The following CLOCK variants were observed in gnomAD, a reference collection of about 807,000 sequenced individuals.
CLOCK encodes clock circadian regulator.
In CLOCK, 43 loss-of-function variants were observed where a neutral mutation model predicts 118.4. The ratio of observed to expected loss-of-function variants is 0.36; its 90% confidence interval spans 0.28 to 0.47. The LOEUF is 0.47. Among genes scored for constraint, CLOCK ranks in the 20% least tolerant of loss-of-function variants. The probability of loss-of-function intolerance (pLI) is 1.00; values close to 1 mark genes in which losing one functional copy is unlikely to be tolerated. For missense variants in CLOCK, 846 were observed against 999.9 expected, an observed-to-expected ratio of 0.85 and a Z score of 2.08; for synonymous variants, 326 against 339.2, an observed-to-expected ratio of 0.96 and a Z score of 0.43.
At position 55,457,799 on chromosome 4, in the gene CLOCK, G is replaced by T. The variant is rs78808392; in HGVS notation, c.792+1093C>A. On this transcript the variant is annotated intron_variant, in intron 11 of 22. Coordinates refer to ENST00000513440, the MANE Select transcript of CLOCK (RefSeq NM_004898.4). ...AGAAAAAAACAATTATTAATTAATA[G>T]AATCAAGTCCCAGTTTCATCACTAA... Among the ~76,000 whole-genome samples, 1,105 of 152,200 alleles carry T rather than the reference G, an allele frequency of 7.3e-3. 10 individuals are homozygous for T. Among genetic ancestry groups the T allele is most frequent in the African/African-American group, 0.023 (953 of 41,526 alleles).
chr4:55,453,292 T>G (rs1264653150), intron 14 of CLOCK, 163 bp from the exon 15 acceptor site: 1 of 617,702 alleles, frequency 1.6e-6, no homozygotes, highest in African/African-American at 1.8e-5. Context: ...TAATTTAACT[T>G]GCATTTTTCT....
intron 2 of CLOCK, among the ~76,000 whole-genome samples, chr4:55,498,627 T>C (rs1577802091): frequency 1.2e-5 from 1 of 82,544 alleles, no homozygotes. Flanking sequence ...TATTATTATT[T>C]TAACCCACTG....
chr4:55,484,964 C>CT (rs1220033513), intron 3 of CLOCK, among the ~76,000 whole-genome samples: 1 of 151,974 alleles, frequency 6.6e-6, no homozygotes, highest in African/African-American at 2.4e-5. Context: ...TAAGATCTCT[C>CT]TCTCTCTCTC....
chr4:55,504,178 C>T (rs535648499), intron 2 of CLOCK, among the ~76,000 whole-genome samples: 3 of 147,724 alleles, frequency 2.0e-5, no homozygotes, highest in South Asian at 2.2e-4. Flanking sequence ...CCCAACTATT[C>T]GGGACCCTGA....
chr4:55,436,173 GTTC>G (rs1722861468), intron 22 of CLOCK, among the ~76,000 whole-genome samples: 1 of 152,040 alleles, frequency 6.6e-6, no homozygotes, highest in Non-Finnish European at 1.5e-5. Flanking sequence ...ACCACATTGG[GTTC>G]TTAATAAAGA....
At chr4:55,533,628 C>G (rs1174717796) in intron 1 of CLOCK, among the ~76,000 whole-genome samples, 1 of 152,152 alleles carries the variant, frequency 6.6e-6, no homozygotes, top group Non-Finnish European at 1.5e-5. Flanking sequence ...TAAGGCCAGG[C>G]ATGGTGGCTC....
rs561450758 is a variant in CLOCK at position 55,537,974 on chromosome 4, C to G, written c.-290+8808G>C. ...AAGACCAGGGCGGAAATAAGAAAAC[C>G]ACAGGCAGTCAATTAAACTAAAAGT... On this transcript the variant is annotated intron_variant, in intron 1 of 22. Coordinates refer to ENST00000513440, the MANE Select transcript of CLOCK (RefSeq NM_004898.4). Among the ~76,000 whole-genome samples, 85 of 152,144 alleles carry G rather than the reference C, an allele frequency of 5.6e-4. No homozygotes were observed. In the Middle Eastern group the frequency reaches 0.017, roughly 30 times the overall value.
intron 8 of CLOCK, among the ~76,000 whole-genome samples, chr4:55,465,480 A>G (rs550845297): frequency 6.6e-6 from 1 of 152,324 alleles, no homozygotes; most frequent in African/African-American, 2.4e-5. Flanking sequence ...CTCACTTCCA[A>G]TCAGGGCACA....
At chr4:55,510,290 A>G (rs1003686642) in intron 1 of CLOCK, among the ~76,000 whole-genome samples, 2 of 152,204 alleles carry the variant, frequency 1.3e-5, no homozygotes, top group African/African-American at 4.8e-5. Context: ...GTGAAGGGAA[A>G]GCATAACAGA....
At chr4:55,474,639 CT>C (rs2109872469) in intron 7 of CLOCK, among the ~76,000 whole-genome samples, 1 of 152,308 alleles carries the variant, frequency 6.6e-6, no homozygotes, top group South Asian at 2.1e-4. Flanking sequence ...GCAAATGCAG[CT>C]GGTGACTTTT....
chr4:55,443,638 C>T, intron 20 of CLOCK, 49 bp downstream of exon 20: 2 of 1,396,660 alleles, frequency 1.4e-6, no homozygotes, highest in Admixed American at 1.7e-5. Flanking sequence ...CAATAGTGTG[C>T]CTTCCAACCA....
intron 3 of CLOCK, among the ~76,000 whole-genome samples, chr4:55,488,621 G>A (rs538117230): frequency 6.6e-6 from 1 of 152,058 alleles, no homozygotes; most frequent in Non-Finnish European, 1.5e-5. Context: ...TCTTCTCTCA[G>A]ATCTTCACAC....
At chr4:55,449,008 T>G (rs1161700739) in intron 17 of CLOCK, 140 bp from the exon 18 acceptor site, 3 of 711,290 alleles carry the variant, frequency 4.2e-6, no homozygotes, top group Admixed American at 4.7e-5. Flanking sequence ...CAGCTATGTC[T>G]TCTCATCTAT....
At chr4:55,514,739 T>C (rs1729381693) in intron 1 of CLOCK, among the ~76,000 whole-genome samples, 1 of 152,186 alleles carries the variant, frequency 6.6e-6, no homozygotes, top group South Asian at 2.1e-4. Context: ...TCCCACTTGA[T>C]CACAGCATAT....
intron 9 of CLOCK, 52 bp downstream of exon 9, chr4:55,463,633 T>C (rs559453014): frequency 3.2e-5 from 51 of 1,596,200 alleles, no homozygotes; most frequent in Non-Finnish European, 4.1e-5. Context: ...TGCAAAAGGA[T>C]AGTGCTACTG....
chr4:55,489,451 A>C lies in CLOCK; in HGVS notation c.-121T>G, dbSNP rs759191531. 1.6e-4 allele frequency: 24 copies of C among 152,306 alleles called. No individual in the cohort carries two copies. Among genetic ancestry groups the C allele is most frequent in the African/African-American group, 5.5e-4 (23 of 41,574 alleles). The allele number at this position is 152,306 out of a possible 1,614,324, so 9.4% of individuals were successfully genotyped here. On this transcript the variant is annotated 5_prime_UTR_variant, in exon 3 of 23. The change abolishes an upstream ATG in the 5' untranslated region. Coordinates refer to ENST00000513440, the MANE Select transcript of CLOCK (RefSeq NM_004898.4). ...AAGGTACTCTTCTATATGACCAACCATAAGTCTCAGAATTCTGTTTAAACA... is the reference window on the plus strand; with the variant it reads ...AAGGTACTCTTCTATATGACCAACCCTAAGTCTCAGAATTCTGTTTAAACA...
chr4:55,535,053 T>TG (rs1730799522), intron 1 of CLOCK, among the ~76,000 whole-genome samples: 1 of 151,820 alleles, frequency 6.6e-6, no homozygotes, highest in South Asian at 2.1e-4. Context: ...CTCAGCCTCC[T>TG]GAGTAGGTGG....
chr4:55,498,113 T>A (rs904205438), intron 2 of CLOCK, among the ~76,000 whole-genome samples: 2 of 152,184 alleles, frequency 1.3e-5, no homozygotes, highest in African/African-American at 4.8e-5. Flanking sequence ...AGTTGTTTAA[T>A]AACATACAAC....
At chr4:55,477,728 GA>G (rs1726615580) in intron 6 of CLOCK, among the ~76,000 whole-genome samples, 1 of 151,998 alleles carries the variant, frequency 6.6e-6, no homozygotes, top group Non-Finnish European at 1.5e-5. Flanking sequence ...TGAAGCTATG[GA>G]ATGAGATAAG....
Sources: allele counts gnomAD v4.1 joint callset (sites outside exome capture counted in the v4.1 genomes callset), GRCh38; gene constraint gnomAD v4.1.1; transcripts MANE v1.5; gene names NCBI Gene and HGNC (gene_info 2026-07-23, HGNC 2026-07-21).